TBC1D9: variants seen among roughly 807,000 people sequenced by gnomAD.
The protein encoded by TBC1D9 is TBC1 domain family member 9A.
A neutral mutation model predicts 132.0 loss-of-function variants in TBC1D9; 63 were observed. That is an observed-to-expected ratio of 0.48 (90% CI 0.39 to 0.59). The LOEUF is 0.59. Ranked by LOEUF, TBC1D9 falls within the 20% of genes least tolerant of loss-of-function variation. The pLI, the probability that TBC1D9 is intolerant of heterozygous loss-of-function variation, is 0.00. For synonymous variants in TBC1D9, 610 were observed against 609.9 expected (o/e 1.00, Z 0.00); for missense variants, 1,261 against 1,592.7 (o/e 0.79, Z 3.54).
At chr4:140,654,714 G>A (rs1737239013) in intron 13 of TBC1D9, among the ~76,000 whole-genome samples, 1 of 152,086 alleles carries the variant, frequency 6.6e-6, no homozygotes. Context: ...ACAGTAAGGT[G>A]AAACATTCAT....
Position 140,661,879 on chromosome 4 carries a change from C to T in TBC1D9, c.1803+14G>A. On this transcript the variant is annotated intron_variant, in intron 10 of 20. Transcript: ENST00000442267. ...TATTTTATTTTTTTAGCAAAAACCACCTGTGACATTTACCTGGCAATACCC... is the reference window on the plus strand; with the variant it reads ...TATTTTATTTTTTTAGCAAAAACCATCTGTGACATTTACCTGGCAATACCC... 6.2e-7 allele frequency: 1 copy of T among 1,605,102 alleles called. No individual in the cohort carries two copies. Among genetic ancestry groups the T allele is most frequent in the South Asian group, 1.1e-5 (1 of 90,608 alleles).
At chr4:140,677,221 C>T (rs969594880) in intron 5 of TBC1D9, 120 bp from the exon 6 acceptor site, 16 of 1,097,852 alleles carry the variant, frequency 1.5e-5, no homozygotes, top group South Asian at 3.1e-5. Flanking sequence ...ACTCATCCCC[C>T]GCTTCTCAGC....
Position 140,704,666 on chromosome 4 carries a change from C to T in TBC1D9, c.131-3052G>A, listed in dbSNP as rs1253996136. On this transcript the variant is annotated intron_variant, in intron 1 of 20. Coordinates refer to ENST00000442267, the MANE Select transcript of TBC1D9 (RefSeq NM_015130.3). ...TAATGGCTCACTGAACTTTTGTCCT[C>T]TGTAACACAAAAGAAGGAAGACCTC... 2.6e-5 allele frequency among the ~76,000 whole-genome samples: 4 copies of T among 152,134 alleles called. No homozygotes were observed. The East Asian group carries it at 7.7e-4, about 29-fold the overall frequency.
intron 13 of TBC1D9, chr4:140,641,956 C>A: frequency 1.9e-6 from 1 of 534,230 alleles, no homozygotes; most frequent in Non-Finnish European, 3.4e-6. Flanking sequence ...GAGATAGTAA[C>A]CTTAGTCAAA....
Position 140,634,066 on chromosome 4 carries a change from A to G in TBC1D9, c.2628T>C (p.Ala876=), listed in dbSNP as rs766647682. 6.2e-7 allele frequency: 1 copy of G among 1,614,064 alleles called. No homozygotes were observed. The highest frequency in any genetic ancestry group is 1.1e-5 in the South Asian group (1 of 91,084). ...TTCCACATGCCCAAGGAAAGAGAAG[A>G]GCAAACATTCCCTTGAACTGCTCGA... ...IDFEQFKGMF[A]LLFPWACGTH... Residue 876 remains alanine, a synonymous_variant, in exon 16 of 21, where the codon GCT becomes GCC. Transcript: ENST00000442267.
chr4:140,693,990 T>A (rs1457539490), intron 2 of TBC1D9, among the ~76,000 whole-genome samples: 1 of 152,212 alleles, frequency 6.6e-6, no homozygotes, highest in Non-Finnish European at 1.5e-5. Flanking sequence ...AACATAAATG[T>A]CTATCTTTCT....
chr4:140,690,861 C>G (rs1349892008), intron 2 of TBC1D9, among the ~76,000 whole-genome samples: 11 of 152,062 alleles, frequency 7.2e-5, no homozygotes, highest in Non-Finnish European at 7.3e-5. Flanking sequence ...ATTATATGAA[C>G]CCATTATCAT....
At chr4:140,626,998 T>C (rs186541949) in intron 18 of TBC1D9, among the ~76,000 whole-genome samples, 126 of 152,342 alleles carry the variant, frequency 8.3e-4, no homozygotes, top group Non-Finnish European at 1.7e-3. Context: ...AAAAAACCAT[T>C]CTTAGTTCAC....
rs780035392 is a variant in TBC1D9, at chr4:140,657,645, A to G, written c.2089T>C (p.Cys697Arg). Reference sequence around the variant, plus strand: ...ACTTTAATTCCTTCATAGAAGAAACAGTCAACAACCACAACTGCACTCTCA... The same window carrying G: ...ACTTTAATTCCTTCATAGAAGAAACGGTCAACAACCACAACTGCACTCTCA... ...PFESAVVVVD[C>R]FFYEGIKVIF... The change falls in exon 12 of 21, where the codon TGT (cysteine) becomes CGT (arginine). Residue 697 changes from cysteine (C) to arginine (R), a missense_variant. Transcript: ENST00000442267. 5.6e-6 allele frequency: 9 copies of G among 1,614,046 alleles called. No homozygotes were observed. The highest frequency in any genetic ancestry group is 7.6e-6 in the Non-Finnish European group (9 of 1,179,898).
At chr4:140,709,985 C>T (rs921077159) in intron 1 of TBC1D9, among the ~76,000 whole-genome samples, 4 of 152,188 alleles carry the variant, frequency 2.6e-5, no homozygotes, top group African/African-American at 7.2e-5. Flanking sequence ...TGCAGCCTGA[C>T]AGTCAGGAAC....
intron 8 of TBC1D9, 87 bp from the exon 9 acceptor site, chr4:140,669,154 G>T: frequency 1.5e-6 from 2 of 1,299,248 alleles, no homozygotes; most frequent in Non-Finnish European, 2.1e-6. Context: ...CATGTTCCCT[G>T]CTGAACGGAG....
chr4:140,655,882 C>G (rs1488844204), intron 13 of TBC1D9, among the ~76,000 whole-genome samples: 2 of 152,082 alleles, frequency 1.3e-5, no homozygotes, highest in African/African-American at 4.8e-5. Flanking sequence ...AGCATGGGAA[C>G]AGAAAGCAAA....
rs60339822 is a variant in TBC1D9, at chr4:140,737,436, TTCTCTCTCTC to T, written c.130+18470_130+18479del. Among the ~76,000 whole-genome samples, 1,140 of 147,284 alleles carry T rather than the reference TTCTCTCTCTC, an allele frequency of 7.7e-3. 16 individuals are homozygous for T. Among genetic ancestry groups the T allele is most frequent in the African/African-American group, 0.023 (906 of 39,842 alleles). ...TAGCTCTCTCTCCCTGCACCCTCCCTTCTCTCTCTCTCTCTCTCTCTCTCTCTCTCACACA... is the reference window on the plus strand; with the variant it reads ...TAGCTCTCTCTCCCTGCACCCTCCCTTCTCTCTCTCTCTCTCTCTCACACA... On this transcript the variant is annotated intron_variant, in intron 1 of 20. Coordinates refer to ENST00000442267, the MANE Select transcript of TBC1D9 (RefSeq NM_015130.3).
chr4:140,649,090 G>A (rs181720493), intron 13 of TBC1D9, among the ~76,000 whole-genome samples: 11 of 152,334 alleles, frequency 7.2e-5, no homozygotes, highest in African/African-American at 2.6e-4. Flanking sequence ...GCTCAATCAA[G>A]TTCAATCAGC....
intron 15 of TBC1D9, 27 bp downstream of exon 15, chr4:140,639,059 T>G: frequency 6.5e-7 from 1 of 1,531,370 alleles, no homozygotes; most frequent in Non-Finnish European, 8.9e-7. Context: ...CTCCTTTGAA[T>G]GGGCATGAAT....
intron 13 of TBC1D9, among the ~76,000 whole-genome samples, chr4:140,641,105 C>CAAAAGAAAAAAAAAAAAAAAAAAAAA (rs1736984595): frequency 1.7e-5 from 1 of 59,780 alleles, no homozygotes; most frequent in Non-Finnish European, 3.1e-5. Flanking sequence ...AAAAAAAAAA[C>CAAAAGAAAAAAAAAAAAAAAAAAAAA]AAAAAAAAAC....
chr4:140,621,766 A>G lies in TBC1D9; in HGVS notation c.*429T>C, dbSNP rs1377156333. The stretch of plus-strand genomic sequence containing the variant: ...GCCTTCCATTTAAGAACAGTCTTGC[A>G]TTTGTGGCTTTTCATTTTCCTTACA... On this transcript the variant is annotated 3_prime_UTR_variant, in exon 21 of 21. Transcript: ENST00000442267. The G allele has an allele frequency of 6.5e-6, 1 of 154,184 alleles. No homozygotes were observed. Among genetic ancestry groups the G allele is most frequent in the Non-Finnish European group, 1.4e-5 (1 of 69,496 alleles). 9.6% of individuals were successfully genotyped at this position (154,184 alleles called of 1,614,324 possible). A position where few individuals can be genotyped will look rare whatever the true frequency, so the allele number is the denominator to read the frequency against.
At chr4:140,641,105 CAAA>C (rs1038335139) in intron 13 of TBC1D9, among the ~76,000 whole-genome samples, 4 of 59,780 alleles carry the variant, frequency 6.7e-5, no homozygotes, top group Non-Finnish European at 9.2e-5. Flanking sequence ...AAAAAAAAAA[CAAA>C]AAAAAACAGA....
At chr4:140,726,017 C>T (rs1738496299) in intron 1 of TBC1D9, among the ~76,000 whole-genome samples, 1 of 152,096 alleles carries the variant, frequency 6.6e-6, no homozygotes, top group South Asian at 2.1e-4. Flanking sequence ...CCTATAATCC[C>T]AGCACTTTGG....
Sources: gnomAD v4.1 joint callset for allele counts (sites outside exome capture counted in the v4.1 genomes callset) on GRCh38, gnomAD v4.1.1 for gene constraint, MANE v1.5 for transcripts, NCBI Gene and HGNC (gene_info 2026-07-23, HGNC 2026-07-21) for gene names.